Variants in KIAA0319 observed in about 807,000 individuals in gnomAD.
KIAA0319 encodes the protein KIAA0319, also known as dyslexia-associated protein KIAA0319.
A neutral mutation model predicts 108.4 loss-of-function variants in KIAA0319; 83 were observed. The ratio of observed to expected loss-of-function variants is 0.77; its 90% confidence interval spans 0.64 to 0.92. The LOEUF is 0.92. Ranked by LOEUF, KIAA0319 falls within the 40% of genes least tolerant of loss-of-function variation. The pLI is 0.00. For missense variants in KIAA0319, 1,195 were observed against 1,322.4 expected (o/e 0.90, Z 1.49); for synonymous variants, 484 against 510.4 (o/e 0.95, Z 0.70).
At chr6:24,571,741 T>C (rs1764758085) in intron 11 of KIAA0319, among the ~76,000 whole-genome samples, 1 of 152,250 alleles carries the variant, frequency 6.6e-6, no homozygotes, top group African/African-American at 2.4e-5. Context: ...GAACTCTTCC[T>C]CTTCTCCTGT....
chr6:24,588,425 C>T (rs923418980), intron 4 of KIAA0319, among the ~76,000 whole-genome samples, 168 bp downstream of exon 4: 24 of 152,178 alleles, frequency 1.6e-4, no homozygotes, highest in African/African-American at 5.3e-4. Context: ...AGGGAAAAGA[C>T]AATGTCTTAT....
chr6:24,642,380 T>C (rs1251120548), intron 1 of KIAA0319, among the ~76,000 whole-genome samples: 1 of 152,198 alleles, frequency 6.6e-6, no homozygotes, highest in African/African-American at 2.4e-5. Flanking sequence ...ACAGTGCAGC[T>C]ACACATCATG....
At chr6:24,595,560 A>AAAAAC (rs1769383439) in intron 3 of KIAA0319, among the ~76,000 whole-genome samples, 1 of 149,600 alleles carries the variant, frequency 6.7e-6, no homozygotes, top group African/African-American at 2.5e-5. Flanking sequence ...AAAAAAAAAA[A>AAAAAC]AAAAAAAAAA....
intron 1 of KIAA0319, among the ~76,000 whole-genome samples, chr6:24,634,897 G>A (rs769968760): frequency 6.6e-6 from 1 of 152,142 alleles, no homozygotes; most frequent in Non-Finnish European, 1.5e-5. Context: ...CTGGCTAGAG[G>A]GGAAAGAGGG....
intron 5 of KIAA0319, among the ~76,000 whole-genome samples, chr6:24,582,768 C>T (rs991059842): frequency 1.3e-4 from 20 of 151,728 alleles, no homozygotes; most frequent in African/African-American, 4.8e-4. Flanking sequence ...ATACATTGTG[C>T]TTTTCTCTTT....
chr6:24,564,460 G>T, intron 14 of KIAA0319, 120 bp from the exon 15 acceptor site: 1 of 1,279,338 alleles, frequency 7.8e-7, no homozygotes. Context: ...TTAAGAGGGA[G>T]GCTGCAGGGA....
intron 18 of KIAA0319, among the ~76,000 whole-genome samples, chr6:24,556,323 G>A (rs1762281325): frequency 6.6e-6 from 1 of 151,866 alleles, no homozygotes; most frequent in African/African-American, 2.4e-5. Context: ...TGGGACTACA[G>A]GCACACGCAA....
intron 1 of KIAA0319, among the ~76,000 whole-genome samples, chr6:24,628,149 C>T (rs1409180033): frequency 6.6e-6 from 1 of 152,128 alleles, no homozygotes. Flanking sequence ...CTTCCTAAAT[C>T]ACCATATTTT....
intron 4 of KIAA0319, among the ~76,000 whole-genome samples, chr6:24,588,342 A>G (rs546665706): frequency 3.9e-5 from 6 of 152,010 alleles, no homozygotes; most frequent in Admixed American, 2.0e-4. Flanking sequence ...GCAGCCTCTC[A>G]CAGCACTTAC....
chr6:24,590,079 T>G (rs539134948), intron 3 of KIAA0319, among the ~76,000 whole-genome samples: 114 of 152,284 alleles, frequency 7.5e-4, no homozygotes, highest in African/African-American at 2.4e-3. Context: ...AGAAAAGCTA[T>G]AATTCAAATG....
chr6:24,551,279 G>A (rs1761457615), intron 20 of KIAA0319, among the ~76,000 whole-genome samples, 155 bp downstream of exon 20: 1 of 152,044 alleles, frequency 6.6e-6, no homozygotes. Context: ...CGGCCTGAAG[G>A]TTGTTTTTCA....
At position 24,579,953 on chromosome 6, in the gene KIAA0319, G is replaced by GA; in HGVS notation, c.1280-4_1280-3insT. The GA allele has an allele frequency of 6.3e-7, 1 of 1,576,344 alleles. No individual in the cohort carries two copies. Among genetic ancestry groups the GA allele is most frequent in the Admixed American group, 1.8e-5 (1 of 54,462 alleles). Reference sequence around the variant, plus strand: ...AGGTGGCAGGTTGACTCTTCTGGCTGTAACAAAAAAAAGGACAGTGACTGA... The same window carrying GA: ...AGGTGGCAGGTTGACTCTTCTGGCTGATAACAAAAAAAAGGACAGTGACTGA... On this transcript the variant is annotated splice_polypyrimidine_tract_variant and splice_region_variant and intron_variant, in intron 7 of 20. Transcript: ENST00000378214.
At chr6:24,639,763 G>A (rs1037940160) in intron 1 of KIAA0319, among the ~76,000 whole-genome samples, 17 of 150,704 alleles carry the variant, frequency 1.1e-4, no homozygotes, top group African/African-American at 3.2e-4. Context: ...CAGGAGAATC[G>A]CTTAAACCTG....
intron 1 of KIAA0319, among the ~76,000 whole-genome samples, chr6:24,604,202 C>A (rs1218300343): frequency 6.6e-6 from 1 of 152,292 alleles, no homozygotes; most frequent in South Asian, 2.1e-4. Flanking sequence ...AAGTTTGCCA[C>A]CAATAACTCC....
intron 16 of KIAA0319, among the ~76,000 whole-genome samples, chr6:24,560,707 C>T (rs1022078506): frequency 6.6e-6 from 1 of 152,184 alleles, no homozygotes; most frequent in Non-Finnish European, 1.5e-5. Flanking sequence ...CTGCCTCGGT[C>T]GTTACATGGT....
chr6:24,604,401 G>A (rs932471261), intron 1 of KIAA0319, among the ~76,000 whole-genome samples: 3 of 152,064 alleles, frequency 2.0e-5, no homozygotes, highest in African/African-American at 7.3e-5. Context: ...TATCAGCCAG[G>A]GACCACTGGT....
intron 14 of KIAA0319, among the ~76,000 whole-genome samples, 176 bp from the exon 15 acceptor site, chr6:24,564,516 T>A (rs550060618): frequency 6.6e-6 from 1 of 152,294 alleles, no homozygotes; most frequent in South Asian, 2.1e-4. Context: ...CCTCAGCATC[T>A]CTTCCCCAAA....
intron 19 of KIAA0319, 68 bp downstream of exon 19, chr6:24,554,472 CA>C: frequency 9.0e-7 from 1 of 1,113,380 alleles, no homozygotes; most frequent in Non-Finnish European, 1.4e-6. Context: ...TCCAAGTAAA[CA>C]ATTCCTAAGC....
At chr6:24,567,105 G>T (rs1464962481) in intron 13 of KIAA0319, among the ~76,000 whole-genome samples, 2 of 152,018 alleles carry the variant, frequency 1.3e-5, no homozygotes, top group African/African-American at 4.8e-5. Flanking sequence ...AATATACTTT[G>T]GGTCATTTTG....
Sources: allele counts gnomAD v4.1 joint callset (sites outside exome capture counted in the v4.1 genomes callset), GRCh38; gene constraint gnomAD v4.1.1; transcripts MANE v1.5; gene names NCBI Gene and HGNC (gene_info 2026-07-23, HGNC 2026-07-21).